The following FBXO22 variants were observed in gnomAD, a reference collection of about 807,000 sequenced individuals.
FBXO22 encodes the protein F-box protein 22, also known as F-box only protein 22.
FBXO22 carries 13 observed loss-of-function variants against 37.2 expected under a neutral mutation model. The ratio of observed to expected loss-of-function variants is 0.35; its 90% confidence interval spans 0.23 to 0.56. The LOEUF (loss-of-function observed/expected upper bound fraction) is 0.56. Ranked by LOEUF, FBXO22 falls within the 20% of genes least tolerant of loss-of-function variation. The probability of loss-of-function intolerance (pLI) is 0.87; values close to 1 mark genes in which losing one functional copy is unlikely to be tolerated. For missense variants in FBXO22, 446 were observed against 509.9 expected (o/e 0.87, Z 1.21); for synonymous variants, 189 against 189.1 (o/e 1.00, Z 0.00).
At chr15:75,921,449 G>A (rs988693837) in intron 5 of FBXO22, among the ~76,000 whole-genome samples, 2 of 152,102 alleles carry the variant, frequency 1.3e-5, no homozygotes, top group Non-Finnish European at 1.5e-5. Context: ...GATCCCTTGC[G>A]ATCAGGAATT....
chr15:75,929,860 C>T (rs1425114938), intron 5 of FBXO22, 24 bp from the exon 6 acceptor site: 11 of 1,613,452 alleles, frequency 6.8e-6, no homozygotes, highest in Non-Finnish European at 9.3e-6. Context: ...CTGTCTTTAA[C>T]TGTTGCTCTT....
chr15:75,910,504 T>C (rs1900029889), intron 2 of FBXO22: 1 of 152,250 alleles, frequency 6.6e-6, no homozygotes, highest in African/African-American at 2.4e-5. Flanking sequence ...TGATTTGCAT[T>C]TCTCTAATGA....
At chr15:75,928,394 A>T (rs958896745) in intron 5 of FBXO22, among the ~76,000 whole-genome samples, 3 of 152,228 alleles carry the variant, frequency 2.0e-5, no homozygotes, top group African/African-American at 7.2e-5. Flanking sequence ...TGTAGTACAT[A>T]TGCAGCCATA....
intron 5 of FBXO22, among the ~76,000 whole-genome samples, chr15:75,927,117 G>C (rs1191930098): frequency 6.6e-6 from 1 of 152,152 alleles, no homozygotes; most frequent in Admixed American, 6.6e-5. Flanking sequence ...TCGGGGGGAG[G>C]GGTGTGAGGC....
rs1567058646 is a variant in FBXO22, at chr15:75,935,108, T to C, written c.*2006T>C. On this transcript the variant is annotated 3_prime_UTR_variant, in exon 7 of 7. Transcript: ENST00000308275. ...TGACCTAATAGAAACAATAGTAGTA[T>C]TGATAAGAACAAAAGTCATCCTCCC... The C allele has an allele frequency of 6.6e-6, 1 of 152,218 alleles. No individual in the cohort carries two copies. Among genetic ancestry groups the C allele is most frequent in the Non-Finnish European group, 1.5e-5 (1 of 68,038 alleles). 9.4% of individuals were successfully genotyped at this position (152,218 alleles called of 1,614,324 possible).
chr15:75,913,171 A>T, intron 2 of FBXO22, 32 bp from the exon 3 acceptor site: 1 of 1,464,980 alleles, frequency 6.8e-7, no homozygotes, highest in Non-Finnish European at 9.5e-7. Context: ...GATTCATGGG[A>T]TCCAATTCCA....
At chr15:75,904,210 C>T (rs532056660) in intron 1 of FBXO22, 107 bp downstream of exon 1, 3 of 1,392,204 alleles carry the variant, frequency 2.2e-6, no homozygotes, top group Non-Finnish European at 2.8e-6. Context: ...CAGGGCCGTC[C>T]CCGGCTCGCT....
At chr15:75,921,622 C>G (rs560217377) in intron 5 of FBXO22, among the ~76,000 whole-genome samples, 1 of 98,470 alleles carries the variant, frequency 1.0e-5, no homozygotes, top group Non-Finnish European at 2.2e-5. Flanking sequence ...GATTACACCA[C>G]TGCACTCCAG....
In FBXO22 at chr15:75,917,351, T is replaced by C; in HGVS notation, c.585T>C (p.Asp195=). 6.2e-7 allele frequency: 1 copy of C among 1,606,426 alleles called. No homozygotes were observed. Among genetic ancestry groups the C allele is most frequent in the Non-Finnish European group, 8.5e-7 (1 of 1,174,008 alleles). ...IKIQPFHFIK[D]PKNLTLERHQ... ...TACAACCCTTTCATTTTATTAAGGATCCAAAGAATTTAACATTAGAAAGAC... is the reference window on the plus strand; with the variant it reads ...TACAACCCTTTCATTTTATTAAGGACCCAAAGAATTTAACATTAGAAAGAC... The change falls in exon 5 of 7, where the codon GAT becomes GAC. Residue 195 remains aspartate, a synonymous_variant. Coordinates refer to ENST00000308275, the MANE Select transcript of FBXO22 (RefSeq NM_147188.3).
Position 75,903,990 on chromosome 15 carries a change from G to C in FBXO22, c.27G>C (p.Glu9Asp), listed in dbSNP as rs1285902907. Residue 9 changes from glutamate (E) to aspartate (D), a missense_variant, in exon 1 of 7, where the codon GAG (glutamate) becomes GAC (aspartate). By Grantham distance (45) the Glu-to-Asp change is conservative. Transcript: ENST00000308275. ...TGGAGCCGGTAGGCTGCTGCGGCGAGTGCCGCGGCTCCTCCGTAGACCCGC... is the reference window on the plus strand; with the variant it reads ...TGGAGCCGGTAGGCTGCTGCGGCGACTGCCGCGGCTCCTCCGTAGACCCGC... Reference protein sequence around the residue: MEPVGCCGECRGSSVDPRS... With the variant: MEPVGCCGDCRGSSVDPRS... 6.3e-7 allele frequency: 1 copy of C among 1,579,410 alleles called. No individual in the cohort carries two copies. The highest frequency in any genetic ancestry group is 8.6e-7 in the Non-Finnish European group (1 of 1,162,200).
intron 5 of FBXO22, among the ~76,000 whole-genome samples, chr15:75,926,851 A>G (rs951880384): frequency 8.5e-5 from 13 of 152,222 alleles, no homozygotes; most frequent in Non-Finnish European, 1.8e-4. Flanking sequence ...AGGAAGAACC[A>G]TTTATGCAGA....
intron 5 of FBXO22, 82 bp downstream of exon 5, chr15:75,917,476 AT>A: frequency 9.7e-7 from 1 of 1,031,062 alleles, no homozygotes. Flanking sequence ...GTTGGTGGAT[AT>A]TAGGTTCCTT....
Position 75,921,991 on chromosome 15 carries a change from C to CT in FBXO22, c.628+4611dup, listed in dbSNP as rs373750491. On this transcript the variant is annotated intron_variant, in intron 5 of 6. Coordinates refer to ENST00000308275, the MANE Select transcript of FBXO22 (RefSeq NM_147188.3). ...CTGCCTGAGGCTGTTTTACAGTTAACTTTTTTTTTTTTTTAATAAGTAGGA... is the reference window on the plus strand; with the variant it reads ...CTGCCTGAGGCTGTTTTACAGTTAACTTTTTTTTTTTTTTTAATAAGTAGGA... Among the ~76,000 whole-genome samples the CT allele has an allele frequency of 9.3e-3, 1,338 of 143,570 alleles. 6 individuals carry two copies. Among genetic ancestry groups the CT allele is most frequent in the Middle Eastern group, 0.023 (6 of 264 alleles). The allele number at this position is 143,570 out of a possible 152,430, so 94.2% of individuals were successfully genotyped here.
At position 75,937,427 on chromosome 15, in the gene FBXO22, T is replaced by G. The variant is rs1391725478; in HGVS notation, c.*4325T>G. ...GGGAGGCTGAGGCAGGAGAATGGTG[T>G]GAACCTGGGAGGTGGAGCTTGCAGT... On this transcript the variant is annotated 3_prime_UTR_variant, in exon 7 of 7. Coordinates refer to ENST00000308275, the MANE Select transcript of FBXO22 (RefSeq NM_147188.3). 1 of 142,912 alleles carries G rather than the reference T, an allele frequency of 7.0e-6. No homozygotes were observed. The highest frequency in any genetic ancestry group is 1.5e-5 in the Non-Finnish European group (1 of 67,110). 8.9% of individuals were successfully genotyped at this position (142,912 alleles called of 1,614,324 possible). A position where few individuals can be genotyped will look rare whatever the true frequency, so the allele number is the denominator to read the frequency against.
At chr15:75,919,740 G>A (rs970714915) in intron 5 of FBXO22, among the ~76,000 whole-genome samples, 4 of 152,178 alleles carry the variant, frequency 2.6e-5, no homozygotes, top group Non-Finnish European at 4.4e-5. Context: ...GTGTGGCCTT[G>A]TAGTTTGTGG....
In FBXO22 at chr15:75,936,471, T is replaced by C. The variant is rs2030347827; in HGVS notation, c.*3369T>C. ...ATATGTTATTTTTGTTTTATATATT[T>C]AACTTCTACCCTATGCCACAACTGA... On this transcript the variant is annotated 3_prime_UTR_variant, in exon 7 of 7. Transcript: ENST00000308275. 6.6e-6 allele frequency: 1 copy of C among 152,258 alleles called. No individual in the cohort carries two copies. The highest frequency in any genetic ancestry group is 1.5e-5 in the Non-Finnish European group (1 of 68,042). The allele number at this position is 152,258 out of a possible 1,614,324, so 9.4% of individuals were successfully genotyped here. A position where few individuals can be genotyped will look rare whatever the true frequency, so the allele number is the denominator to read the frequency against.
chr15:75,920,660 A>G (rs1011571378), intron 5 of FBXO22, among the ~76,000 whole-genome samples: 1 of 151,854 alleles, frequency 6.6e-6, no homozygotes, highest in African/African-American at 2.4e-5. Flanking sequence ...CACCTCTACA[A>G]AAAAACTAAA....
intron 5 of FBXO22, among the ~76,000 whole-genome samples, chr15:75,921,336 CTG>C (rs1327639032): frequency 6.6e-6 from 1 of 152,140 alleles, no homozygotes; most frequent in Non-Finnish European, 1.5e-5. Context: ...TTTATAAACA[CTG>C]TATGCTTAAG....
rs1356537187 is a variant in FBXO22 at position 75,938,923 on chromosome 15, T to G, written c.*5821T>G. The G allele has an allele frequency of 1.3e-5, 2 of 151,630 alleles. No homozygotes were observed. The highest frequency in any genetic ancestry group is 2.4e-5 in the African/African-American group (1 of 41,272). The allele number at this position is 151,630 out of a possible 1,614,324, so 9.4% of individuals were successfully genotyped here. Reference sequence around the variant, plus strand: ...ACAAGGGAAATTAAAAAGAGAAAAATGCAACATACCAAAATTTATAGGATG... The same window carrying G: ...ACAAGGGAAATTAAAAAGAGAAAAAGGCAACATACCAAAATTTATAGGATG... On this transcript the variant is annotated 3_prime_UTR_variant, in exon 7 of 7. Transcript: ENST00000308275.
Sources: allele counts gnomAD v4.1 joint callset (sites outside exome capture counted in the v4.1 genomes callset), GRCh38; gene constraint gnomAD v4.1.1; transcripts MANE v1.5; gene names NCBI Gene and HGNC (gene_info 2026-07-23, HGNC 2026-07-21).